Variants in MYO10 observed in about 807,000 individuals in gnomAD.
MYO10 encodes the protein myosin X.
In MYO10, 133 loss-of-function variants were observed where a neutral mutation model predicts 257.3. The ratio of observed to expected loss-of-function variants is 0.52; its 90% CI spans 0.45 to 0.60. The LOEUF is 0.60. Among genes scored for constraint, MYO10 ranks in the 20% least tolerant of loss-of-function variants. The pLI is 0.00. For synonymous variants in MYO10, 1,104 were observed against 1,028.6 expected (o/e 1.07, Z -1.40); for missense variants, 2,399 against 2,635.7 (o/e 0.91, Z 1.97).
At chr5:16,884,679 T>C (rs1744846155) in intron 1 of MYO10, among the ~76,000 whole-genome samples, 2 of 151,176 alleles carry the variant, frequency 1.3e-5, no homozygotes, top group Admixed American at 1.3e-4. Flanking sequence ...TTCCTTCTGT[T>C]GGAAGTAGGA....
chr5:16,733,578 A>G (rs1739671096), intron 19 of MYO10, among the ~76,000 whole-genome samples: 1 of 151,656 alleles, frequency 6.6e-6, no homozygotes, highest in Admixed American at 6.6e-5. Context: ...TGGTGGGAAG[A>G]GGGTATTGGT....
At chr5:16,881,374 T>C (rs972308421) in intron 1 of MYO10, among the ~76,000 whole-genome samples, 2 of 152,200 alleles carry the variant, frequency 1.3e-5, no homozygotes, top group South Asian at 4.1e-4. Context: ...ACCCTTTCGT[T>C]TGAAAGTACT....
rs75943640 is a variant in MYO10, at chr5:16,904,977, A to C, written c.22-27270T>G. 1.1e-3 allele frequency among the ~76,000 whole-genome samples: 166 copies of C among 152,300 alleles called. No homozygotes were observed. In the East Asian group the frequency reaches 0.027, roughly 25 times the overall value. On this transcript the variant is annotated intron_variant, in intron 1 of 40. Coordinates refer to ENST00000513610, the MANE Select transcript of MYO10 (RefSeq NM_012334.3). ...AAGTTTAGTAGAAGAAACTCAGTTT[A>C]CTTATTCCTCTACCTCCTCAGAGCT...
chr5:16,820,670 T>A (rs1742772334), intron 2 of MYO10, among the ~76,000 whole-genome samples: 1 of 152,168 alleles, frequency 6.6e-6, no homozygotes, highest in Admixed American at 6.6e-5. Flanking sequence ...TAACTGTCAC[T>A]CTAGGTATAC....
chr5:16,902,804 A>T (rs1038652968), intron 1 of MYO10, among the ~76,000 whole-genome samples: 42 of 152,208 alleles, frequency 2.8e-4, no homozygotes, highest in Admixed American at 6.5e-5. Context: ...GCCCAGGGCC[A>T]TCTTTTAAGT....
At chr5:16,700,150 C>T (rs927787129) in intron 25 of MYO10, among the ~76,000 whole-genome samples, 1 of 152,106 alleles carries the variant, frequency 6.6e-6, no homozygotes, top group Non-Finnish European at 1.5e-5. Flanking sequence ...GAAAAGAGTA[C>T]ATTTAAGCCC....
chr5:16,701,242 C>A lies in MYO10; in HGVS notation c.3153G>T (p.Val1051=). The change falls in exon 25 of 41, where the codon GTG becomes GTT. Residue 1051 remains valine (V), a synonymous_variant. Transcript: ENST00000513610. This position sits in a 1 kb window ranked among gnomAD's most constrained non-coding sequence, Gnocchi z 8.1. Reference sequence around the variant, plus strand: ...AGTCCTGCACTGATGGGGCGAGCAGCACCGTGCTGTCCGCACTGGGGCTGG... The same window carrying A: ...AGTCCTGCACTGATGGGGCGAGCAGAACCGTGCTGTCCGCACTGGGGCTGG... ...VPTSPSADST[V]LLAPSVQDSG... 1 of 1,613,184 alleles carries A rather than the reference C, an allele frequency of 6.2e-7. No individual in the cohort carries two copies. The highest frequency in any genetic ancestry group is 8.5e-7 in the Non-Finnish European group (1 of 1,179,622).
At chr5:16,725,456 A>C (rs1346403793) in intron 19 of MYO10, among the ~76,000 whole-genome samples, 1 of 152,186 alleles carries the variant, frequency 6.6e-6, no homozygotes. Context: ...GCCCTTGAAC[A>C]GGAGCTATGT....
rs772833055 is a variant in MYO10 at position 16,673,712 on chromosome 5, G to C, written c.5142C>G (p.Ile1714Met). ...VYCHGGGSCK[I>M]TINSHTTAGE... The stretch of plus-strand genomic sequence containing the variant: ...CAGCGGTGGTGTGGGAGTTGATGGT[G>C]ATCTTGCAGGAGCCGCCGCCATGGC... Residue 1714 changes from isoleucine to methionine, a missense_variant, in exon 36 of 41, where the codon ATC (isoleucine) becomes ATG (methionine). This residue lies in a region of MYO10 where 1,820 missense variants were observed against 1,939.4 expected (regional missense o/e 0.94). Coordinates refer to ENST00000513610, the MANE Select transcript of MYO10 (RefSeq NM_012334.3). 3 of 1,613,866 alleles carry C rather than the reference G, an allele frequency of 1.9e-6. No individual in the cohort carries two copies. The highest frequency in any genetic ancestry group is 2.5e-6 in the Non-Finnish European group (3 of 1,179,856).
At chr5:16,907,531 C>T (rs1431411597) in intron 1 of MYO10, among the ~76,000 whole-genome samples, 1 of 152,104 alleles carries the variant, frequency 6.6e-6, no homozygotes, top group South Asian at 2.1e-4. Flanking sequence ...AAAGGTTACA[C>T]AAAAGGACAA....
intron 2 of MYO10, among the ~76,000 whole-genome samples, chr5:16,869,707 A>G (rs1245234882): frequency 6.6e-6 from 1 of 151,284 alleles, no homozygotes; most frequent in Non-Finnish European, 1.5e-5. Context: ...TCTACTAAAA[A>G]TACAAAAATT....
intron 13 of MYO10, 32 bp from the exon 14 acceptor site, chr5:16,763,579 T>C: frequency 8.1e-6 from 13 of 1,595,172 alleles, no homozygotes; most frequent in Non-Finnish European, 1.1e-5. Context: ...CCAAGTTAAA[T>C]GAAAACATAG....
intron 33 of MYO10, among the ~76,000 whole-genome samples, chr5:16,679,648 C>T (rs558703183): frequency 2.6e-5 from 4 of 151,674 alleles, no homozygotes; most frequent in Non-Finnish European, 5.9e-5. Context: ...CCTCAGCCTC[C>T]TGTGTAGCTG....
rs547327156 is a variant in MYO10, at chr5:16,843,088, T to C, written c.121-24921A>G. On this transcript the variant is annotated intron_variant, in intron 2 of 40. Transcript: ENST00000513610. Reference sequence around the variant, plus strand: ...TGCTTCATTCCTCCTGTTCCCCTTGTACTCGGCCCCCGACCACACATGCAC... The same window carrying C: ...TGCTTCATTCCTCCTGTTCCCCTTGCACTCGGCCCCCGACCACACATGCAC... Among the ~76,000 whole-genome samples, 47 of 152,178 alleles carry C rather than the reference T, an allele frequency of 3.1e-4. No individual in the cohort carries two copies. In the South Asian group the frequency reaches 9.5e-3, roughly 31 times the overall value.
intron 1 of MYO10, among the ~76,000 whole-genome samples, chr5:16,880,802 A>G (rs1212751308): frequency 1.3e-5 from 2 of 152,296 alleles, no homozygotes; most frequent in Admixed American, 6.5e-5. Context: ...GCTGCTTCCA[A>G]AAAGAACACT....
At chr5:16,704,196 G>T (rs1384993633) in intron 22 of MYO10, among the ~76,000 whole-genome samples, 8 of 151,930 alleles carry the variant, frequency 5.3e-5, no homozygotes, top group African/African-American at 1.9e-4. Flanking sequence ...ATGGTGGTGT[G>T]TGTCTGTAGT....
intron 19 of MYO10, among the ~76,000 whole-genome samples, chr5:16,739,963 T>A (rs1224310896): frequency 6.6e-6 from 1 of 152,112 alleles, no homozygotes; most frequent in African/African-American, 2.4e-5. Context: ...TGTCGCATAT[T>A]TTTGAGGGTC....
intron 1 of MYO10, among the ~76,000 whole-genome samples, chr5:16,931,523 G>A (rs928667297): frequency 4.6e-5 from 7 of 152,106 alleles, no homozygotes; most frequent in Admixed American, 2.0e-4. Flanking sequence ...TATGGAGTGA[G>A]GAAGCAGTCC....
intron 19 of MYO10, among the ~76,000 whole-genome samples, chr5:16,731,752 G>A (rs1465572778): frequency 2.0e-5 from 3 of 152,242 alleles, no homozygotes; most frequent in African/African-American, 7.2e-5. Flanking sequence ...ACAGCGTGGA[G>A]GGCATGAAGC....
Sources: allele counts gnomAD v4.1 joint callset (sites outside exome capture counted in the v4.1 genomes callset), GRCh38; gene constraint gnomAD v4.1.1; regional missense constraint gnomAD v4.1.1; non-coding constraint Gnocchi (gnomAD v3.1); transcripts MANE v1.5; gene names NCBI Gene and HGNC (gene_info 2026-07-23, HGNC 2026-07-21).